Variants in PDE6A observed in about 807,000 individuals in gnomAD.
PDE6A encodes phosphodiesterase 6A.
Under a neutral mutation model 106.3 loss-of-function variants are expected in PDE6A, and 84 were observed. The ratio of observed to expected loss-of-function variants is 0.79; its 90% confidence interval spans 0.66 to 0.95. PDE6A has a LOEUF of 0.95. Ranked by LOEUF, PDE6A falls within the 40% of genes least tolerant of loss-of-function variation. PDE6A has a pLI of 0.00. For synonymous variants in PDE6A, 394 were observed against 386.6 expected (o/e 1.02, Z -0.23); for missense variants, 1,052 against 1,084.9 (o/e 0.97, Z 0.43).
At chr5:149,892,915 G>A (rs1326917354) in intron 13 of PDE6A, among the ~76,000 whole-genome samples, 2 of 152,162 alleles carry the variant, frequency 1.3e-5, no homozygotes, top group African/African-American at 4.8e-5. Flanking sequence ...TTGGTCAAAG[G>A]TATTCTCAAT....
At chr5:149,870,771 C>CAAAAAAAAAAAAAAAAAAAAAAAGAAA (rs3078093) in intron 17 of PDE6A, among the ~76,000 whole-genome samples, 1 of 64,408 alleles carries the variant, frequency 1.6e-5, no homozygotes. Context: ...GAACACAGGG[C>CAAAAAAAAAAAAAAAAAAAAAAAGAAA]AAAAAAAAAA....
Position 149,919,630 on chromosome 5 carries a change from T to C in PDE6A, c.933+2005A>G, listed in dbSNP as rs874980. Among the ~76,000 whole-genome samples the C allele has an allele frequency of 3.8e-3, 581 of 152,118 alleles. 7 individuals are homozygous for C. Among genetic ancestry groups the C allele is most frequent in the African/African-American group, 0.013 (552 of 41,460 alleles). ...AACTAGGCTTTTTCCACTCACTGTATCTCAGTCAAAGTCTTTAAAGCCATA... is the reference window on the plus strand; with the variant it reads ...AACTAGGCTTTTTCCACTCACTGTACCTCAGTCAAAGTCTTTAAAGCCATA... On this transcript the variant is annotated intron_variant, in intron 5 of 21. Coordinates refer to ENST00000255266, the MANE Select transcript of PDE6A (RefSeq NM_000440.3).
intron 3 of PDE6A, chr5:149,932,162 A>G: frequency 1.6e-6 from 2 of 1,224,448 alleles, no homozygotes; most frequent in Non-Finnish European, 2.4e-6. Context: ...GTGAAGCTGC[A>G]TCTACAACAG....
chr5:149,912,220 C>G (rs1017605041), intron 6 of PDE6A, among the ~76,000 whole-genome samples: 1 of 152,152 alleles, frequency 6.6e-6, no homozygotes, highest in African/African-American at 2.4e-5. Context: ...TAGGCTCAAG[C>G]AATCCTCCTG....
At chr5:149,932,496 A>G (rs777914547) in intron 3 of PDE6A, 149 of 1,371,900 alleles carry the variant, frequency 1.1e-4, no homozygotes, top group South Asian at 2.3e-4. Flanking sequence ...TGCTACAACA[A>G]TCCTCTCTGG....
intron 6 of PDE6A, among the ~76,000 whole-genome samples, chr5:149,912,299 C>A (rs1753413468): frequency 6.6e-6 from 1 of 152,120 alleles, no homozygotes; most frequent in African/African-American, 2.4e-5. Context: ...TCTTCCTGAA[C>A]TTTTATTTTG....
chr5:149,883,274 A>G (rs2544934), intron 17 of PDE6A, among the ~76,000 whole-genome samples, 155 bp downstream of exon 17: 8 of 152,102 alleles, frequency 5.3e-5, no homozygotes, highest in Admixed American at 5.2e-4. Context: ...GGCTTGTGCA[A>G]TTGGAATTTG....
At chr5:149,922,435 C>T (rs925117576) in intron 4 of PDE6A, among the ~76,000 whole-genome samples, 1 of 152,086 alleles carries the variant, frequency 6.6e-6, no homozygotes, top group South Asian at 2.1e-4. Flanking sequence ...GCTCAGCCTC[C>T]CAAGTAGCTG....
intron 5 of PDE6A, among the ~76,000 whole-genome samples, chr5:149,915,954 C>T (rs1227899459): frequency 1.3e-5 from 2 of 152,168 alleles, no homozygotes; most frequent in Non-Finnish European, 2.9e-5. Context: ...TGAACTTTCT[C>T]AGAGAGCAAC....
Position 149,921,725 on chromosome 5 carries a change from A to G in PDE6A, c.859-16T>C. ...CAAAAAATTCCTAGGAATGAGAAAA[A>G]CAATAATTACATGTTTTGAAAAGAG... On this transcript the variant is annotated splice_polypyrimidine_tract_variant and intron_variant, in intron 4 of 21. Transcript: ENST00000255266. 1 of 1,598,824 alleles carries G rather than the reference A, an allele frequency of 6.3e-7. No homozygotes were observed. Among genetic ancestry groups the G allele is most frequent in the Non-Finnish European group, 8.6e-7 (1 of 1,166,294 alleles).
intron 12 of PDE6A, among the ~76,000 whole-genome samples, chr5:149,895,778 A>C (rs1012990013): frequency 2.6e-5 from 4 of 151,308 alleles, no homozygotes; most frequent in Non-Finnish European, 4.4e-5. Flanking sequence ...TGTGTGTGTG[A>C]GAGAGAGAGA....
At chr5:149,903,035 G>A (rs1250832952) in intron 8 of PDE6A, among the ~76,000 whole-genome samples, 5 of 150,046 alleles carry the variant, frequency 3.3e-5, no homozygotes, top group African/African-American at 1.2e-4. Flanking sequence ...CTATAGTCTA[G>A]CTAATTGGCA....
intron 4 of PDE6A, 44 bp from the exon 5 acceptor site, chr5:149,921,753 C>G (rs771150777): frequency 1.1e-5 from 16 of 1,508,070 alleles, no homozygotes; most frequent in Non-Finnish European, 1.5e-5. Context: ...GAAAAGAGAT[C>G]AAGGAAAGGA....
At chr5:149,910,019 A>G (rs1753325873) in intron 6 of PDE6A, among the ~76,000 whole-genome samples, 1 of 152,104 alleles carries the variant, frequency 6.6e-6, no homozygotes, top group African/African-American at 2.4e-5. Flanking sequence ...CAATTAGCAA[A>G]CAGATTCATC....
At chr5:149,904,767 TTAC>T (rs1304335985) in intron 7 of PDE6A, among the ~76,000 whole-genome samples, 5 of 152,040 alleles carry the variant, frequency 3.3e-5, no homozygotes, top group African/African-American at 1.2e-4. Context: ...ACTCTATCAG[TTAC>T]TATCATTGTC....
chr5:149,944,650 C>A lies in PDE6A; in HGVS notation c.24G>T (p.Glu8Asp), dbSNP rs777619890. The A allele has an allele frequency of 6.2e-7, 1 of 1,611,722 alleles. No homozygotes were observed. The highest frequency in any genetic ancestry group is 8.5e-7 in the Non-Finnish European group (1 of 1,179,068). ...TATTCGAGTCCAGGAACTTCTCCAC[C>A]TCCTCTGCTGTCACCTCGCCCATGG... is the stretch of plus-strand genomic sequence containing the variant. The part of the protein sequence containing the change: MGEVTAE[E>D]VEKFLDSNIG... The change falls in exon 1 of 22, where the codon GAG becomes GAT. Residue 8 changes from glutamate to aspartate, a missense_variant. By Grantham distance (45) the Glu-to-Asp change is conservative. This residue lies in a region of PDE6A where 913 missense variants were observed against 915.2 expected (regional missense o/e 1.00). Transcript: ENST00000255266.
At position 149,860,927 on chromosome 5, in the gene PDE6A, C is replaced by G. The variant is rs1042180679; in HGVS notation, c.2551G>C (p.Ala851Pro). 3 of 1,614,150 alleles carry G rather than the reference C, an allele frequency of 1.9e-6. No homozygotes were observed. Among genetic ancestry groups the G allele is most frequent in the Non-Finnish European group, 1.7e-6 (2 of 1,179,988 alleles). ...ATGCAGCAGGACTTGGATGTAGTTG[C>G]ACCCCCTGGGCTGGGGTTTCCCCCC... Reference protein sequence around the residue: ...QPGGNPSPGGATTSKSCCIQ With the variant: ...QPGGNPSPGGPTTSKSCCIQ The change falls in exon 22 of 22, where the codon GCA (alanine) becomes CCA (proline). Residue 851 changes from alanine (A) to proline (P), a missense_variant. Transcript: ENST00000255266.
intron 19 of PDE6A, 41 bp from the exon 20 acceptor site, chr5:149,866,294 G>A (rs754454660): frequency 8.0e-6 from 11 of 1,375,478 alleles, no homozygotes; most frequent in South Asian, 2.3e-5. Flanking sequence ...TGGACAGTAA[G>A]AGAAACCTAC....
Position 149,899,382 on chromosome 5 carries a change from A to T in PDE6A, c.1256T>A (p.Leu419His), listed in dbSNP as rs1056149139. 1 of 1,614,142 alleles carries T rather than the reference A, an allele frequency of 6.2e-7. No individual in the cohort carries two copies. The highest frequency in any genetic ancestry group is 1.3e-5 in the African/African-American group (1 of 75,042). ...GKPFDEMDET[L>H]MESLTQFLGW... ...CCTCCTAGCAAGCCATACCTCCATG[A>T]GCGTCTCATCCATTTCATCAAAGGG... is the stretch of plus-strand genomic sequence containing the variant. Residue 419 changes from leucine to histidine, a missense_variant, in exon 9 of 22, where the codon CTC becomes CAC. This residue lies in a region of PDE6A where 913 missense variants were observed against 915.2 expected (regional missense o/e 1.00). Coordinates refer to ENST00000255266, the MANE Select transcript of PDE6A (RefSeq NM_000440.3).
Sources: gnomAD v4.1 joint callset for allele counts (sites outside exome capture counted in the v4.1 genomes callset) on GRCh38, gnomAD v4.1.1 for gene constraint, gnomAD v4.1.1 regional missense constraint, MANE v1.5 for transcripts, NCBI Gene and HGNC (gene_info 2026-07-23, HGNC 2026-07-21) for gene names.